SH3RF3: variants seen among roughly 807,000 people sequenced by gnomAD.
The protein encoded by SH3RF3 is SH3 domain containing ring finger 3.
A neutral mutation model predicts 66.3 loss-of-function variants in SH3RF3; 29 were observed. The ratio of observed to expected loss-of-function variants is 0.44; its 90% CI spans 0.33 to 0.60. SH3RF3 has a LOEUF of 0.60. SH3RF3 is among the 20% of genes least tolerant of loss of function. The pLI is 0.04. For synonymous variants in SH3RF3, 583 were observed against 532.0 expected, an observed-to-expected ratio of 1.10 and a Z score of -1.32; for missense variants, 1,194 against 1,190.9, an observed-to-expected ratio of 1.00 and a Z score of -0.04.
At chr2:109,400,225 C>T (rs578167983) in intron 4 of SH3RF3, among the ~76,000 whole-genome samples, 17 of 152,266 alleles carry the variant, frequency 1.1e-4, no homozygotes, top group Admixed American at 3.9e-4. Flanking sequence ...CACACATGCA[C>T]GCACACACAC....
intron 1 of SH3RF3, among the ~76,000 whole-genome samples, chr2:109,154,420 A>G (rs1677290972): frequency 6.6e-6 from 1 of 152,206 alleles, no homozygotes; most frequent in Non-Finnish European, 1.5e-5. Flanking sequence ...ATTGTCTGCC[A>G]GTGTTGAAGC....
intron 8 of SH3RF3, among the ~76,000 whole-genome samples, chr2:109,469,211 C>T (rs573928447): frequency 1.9e-4 from 29 of 152,304 alleles, no homozygotes; most frequent in Middle Eastern, 6.8e-3. Flanking sequence ...GTGCATTGTG[C>T]GCTATCCCAG....
chr2:109,283,227 G>T (rs1412174853), intron 1 of SH3RF3, among the ~76,000 whole-genome samples: 11 of 152,208 alleles, frequency 7.2e-5, no homozygotes, highest in Non-Finnish European at 1.2e-4. Flanking sequence ...CAGCCTGGCA[G>T]TCTCCCGCTC....
At chr2:109,357,936 A>C (rs1682984285) in intron 2 of SH3RF3, among the ~76,000 whole-genome samples, 1 of 152,172 alleles carries the variant, frequency 6.6e-6, no homozygotes. Context: ...TATTACTCTA[A>C]GCCTATAGTC....
intron 1 of SH3RF3, among the ~76,000 whole-genome samples, chr2:109,299,137 C>T (rs1681396477): frequency 6.6e-6 from 1 of 152,212 alleles, no homozygotes; most frequent in Admixed American, 6.5e-5. Context: ...AGCTCCTCTC[C>T]CCATGGGTGT....
At chr2:109,387,914 GT>G (rs1384845937) in intron 3 of SH3RF3, among the ~76,000 whole-genome samples, 5 of 151,640 alleles carry the variant, frequency 3.3e-5, no homozygotes, top group Non-Finnish European at 7.4e-5. Context: ...TTCCTGACTC[GT>G]TCCACTGCTC....
chr2:109,455,749 A>G (rs1678036511), intron 8 of SH3RF3, among the ~76,000 whole-genome samples: 1 of 152,182 alleles, frequency 6.6e-6, no homozygotes, highest in Non-Finnish European at 1.5e-5. Flanking sequence ...TTCTGTCGAC[A>G]GGCAGCCGGG....
At chr2:109,156,074 C>T (rs551175566) in intron 1 of SH3RF3, among the ~76,000 whole-genome samples, 2 of 152,350 alleles carry the variant, frequency 1.3e-5, no homozygotes, top group East Asian at 1.9e-4. Flanking sequence ...GCTGGGTCCT[C>T]TCCTCTTTGG....
At chr2:109,411,892 A>G (rs1676600616) in intron 4 of SH3RF3, among the ~76,000 whole-genome samples, 1 of 152,228 alleles carries the variant, frequency 6.6e-6, no homozygotes, top group Non-Finnish European at 1.5e-5. Flanking sequence ...TTGCCATATC[A>G]AGTGTCAGCT....
At chr2:109,207,535 A>G (rs1678870021) in intron 1 of SH3RF3, among the ~76,000 whole-genome samples, 1 of 152,172 alleles carries the variant, frequency 6.6e-6, no homozygotes, top group African/African-American at 2.4e-5. Flanking sequence ...TCATGGTAAA[A>G]CAGTGTTTCT....
chr2:109,180,676 C>T (rs756354303), intron 1 of SH3RF3, among the ~76,000 whole-genome samples: 5 of 152,206 alleles, frequency 3.3e-5, no homozygotes, highest in Non-Finnish European at 5.9e-5. Context: ...CTGATGTCCT[C>T]CATGTAAGAT....
chr2:109,268,329 A>C (rs1680546467), intron 1 of SH3RF3, among the ~76,000 whole-genome samples: 1 of 151,760 alleles, frequency 6.6e-6, no homozygotes, highest in African/African-American at 2.4e-5. Context: ...CCCCTCACCC[A>C]CAAGGACTGG....
At chr2:109,450,915 T>A (rs1385511911) in intron 8 of SH3RF3, among the ~76,000 whole-genome samples, 1 of 152,202 alleles carries the variant, frequency 6.6e-6, no homozygotes, top group African/African-American at 2.4e-5. Flanking sequence ...GGACACTAGA[T>A]GGTGTGTTCC....
At chr2:109,402,646 G>A (rs976775229) in intron 4 of SH3RF3, among the ~76,000 whole-genome samples, 14 of 152,206 alleles carry the variant, frequency 9.2e-5, no homozygotes, top group Non-Finnish European at 1.6e-4. Context: ...TTCAGGCTGT[G>A]ATAAAGAACA....
At chr2:109,397,707 C>T (rs530160921) in intron 3 of SH3RF3, among the ~76,000 whole-genome samples, 6 of 152,318 alleles carry the variant, frequency 3.9e-5, no homozygotes, top group African/African-American at 1.4e-4. Flanking sequence ...CGGACCTTCC[C>T]CCAGTGGGTG....
intron 1 of SH3RF3, among the ~76,000 whole-genome samples, chr2:109,161,022 G>A (rs1677475485): frequency 6.6e-6 from 1 of 152,138 alleles, no homozygotes; most frequent in Admixed American, 6.5e-5. Flanking sequence ...TAGCTTGGAT[G>A]TGAAGGCTGT....
intron 9 of SH3RF3, among the ~76,000 whole-genome samples, chr2:109,497,807 A>G (rs1361807733): frequency 6.6e-6 from 1 of 152,264 alleles, no homozygotes; most frequent in East Asian, 1.9e-4. Context: ...CTAACAAATT[A>G]TATTTTTAAA....
At chr2:109,345,287 G>T (rs1314072937) in intron 1 of SH3RF3, among the ~76,000 whole-genome samples, 1 of 152,066 alleles carries the variant, frequency 6.6e-6, no homozygotes, top group African/African-American at 2.4e-5. Context: ...GGCTGATGGT[G>T]GGGAGGCCAG....
At chr2:109,411,538 A>C (rs1485963998) in intron 4 of SH3RF3, among the ~76,000 whole-genome samples, 1 of 152,198 alleles carries the variant, frequency 6.6e-6, no homozygotes, top group Non-Finnish European at 1.5e-5. Flanking sequence ...AACAGAGACC[A>C]GATTCAGAGG....
Sources: gnomAD v4.1 joint callset for allele counts (sites outside exome capture counted in the v4.1 genomes callset) on GRCh38, gnomAD v4.1.1 for gene constraint, MANE v1.5 for transcripts, NCBI Gene and HGNC (gene_info 2026-07-23, HGNC 2026-07-21) for gene names.